The following ST18 variants were observed in gnomAD, a reference collection of about 807,000 sequenced individuals.
The protein encoded by ST18 is suppression of tumorigenicity 18 protein.
In ST18, 50 loss-of-function variants were observed where a neutral mutation model predicts 110.0. The observed-to-expected ratio is 0.45, with a 90% confidence interval of 0.36 to 0.58. The LOEUF is 0.58. Ranked by LOEUF, ST18 falls within the 20% of genes least tolerant of loss-of-function variation. The pLI is 0.00. For missense variants in ST18, 1,306 were observed against 1,280.1 expected (o/e 1.02, Z -0.31); for synonymous variants, 461 against 452.4 (o/e 1.02, Z -0.24).
At chr8:52,122,910 G>A (rs1288607343) in intron 23 of ST18, among the ~76,000 whole-genome samples, 2 of 151,914 alleles carry the variant, frequency 1.3e-5, no homozygotes, top group Non-Finnish European at 2.9e-5. Context: ...TTAATATCTA[G>A]AAATAAATTA....
Position 52,132,104 on chromosome 8 carries a change from A to G in ST18, c.2520T>C (p.Cys840=). The part of the protein sequence containing the change: ...KYTSHRTASG[C]PLAAKRQKEN... ...CCTTCTGTCTCTTGGCAGCCAGAGG[A>G]CAGCCAGAAGCTGTGCGGTGTGATG... The change falls in exon 22 of 26, where the codon TGT becomes TGC. Residue 840 remains cysteine (C), a synonymous_variant. Coordinates refer to ENST00000689386, the MANE Select transcript of ST18 (RefSeq NM_001352837.2). 1 of 1,614,164 alleles carries G rather than the reference A, an allele frequency of 6.2e-7. No individual in the cohort carries two copies. Among genetic ancestry groups the G allele is most frequent in the South Asian group, 1.1e-5 (1 of 91,080 alleles).
chr8:52,181,228 C>G (rs1322430378), intron 8 of ST18, among the ~76,000 whole-genome samples: 1 of 152,174 alleles, frequency 6.6e-6, no homozygotes, highest in African/African-American at 2.4e-5. Context: ...TGAAAAGATC[C>G]AGAGAAGAGA....
chr8:52,335,894 G>A (rs1811817429), intron 2 of ST18, among the ~76,000 whole-genome samples: 1 of 152,012 alleles, frequency 6.6e-6, no homozygotes, highest in Non-Finnish European at 1.5e-5. Context: ...CACTTCAGAG[G>A]CCTCCCGGTG....
chr8:52,181,539 A>G (rs1219595250), intron 8 of ST18, among the ~76,000 whole-genome samples: 2 of 152,214 alleles, frequency 1.3e-5, no homozygotes, highest in East Asian at 3.9e-4. Flanking sequence ...AAGATTAAAA[A>G]GTATAGAATT....
intron 2 of ST18, chr8:52,248,415 G>T (rs2094025675): frequency 6.6e-6 from 1 of 152,138 alleles, no homozygotes; most frequent in East Asian, 1.9e-4. Flanking sequence ...GAGACCTTCA[G>T]AGTTTATTAA....
chr8:52,191,398 G>A (rs2074420002), intron 8 of ST18, among the ~76,000 whole-genome samples: 1 of 152,126 alleles, frequency 6.6e-6, no homozygotes, highest in Non-Finnish European at 1.5e-5. Flanking sequence ...AAGTCATAAT[G>A]TCAAGCAGGC....
chr8:52,279,189 A>G (rs75389596), intron 2 of ST18, among the ~76,000 whole-genome samples: 5,023 of 152,252 alleles, frequency 0.033, 149 homozygotes, highest in Admixed American at 0.077. Context: ...TATCTAATCT[A>G]TGATTATTGA....
chr8:52,373,361 G>C (rs767570770), intron 2 of ST18, among the ~76,000 whole-genome samples: 21 of 152,000 alleles, frequency 1.4e-4, no homozygotes, highest in Non-Finnish European at 2.9e-4. Context: ...CCTCATTTCT[G>C]GAAGATGTTA....
chr8:52,159,609 T>C (rs990714849), intron 14 of ST18, among the ~76,000 whole-genome samples: 2 of 152,244 alleles, frequency 1.3e-5, no homozygotes, highest in African/African-American at 4.8e-5. Context: ...TATTATTTGA[T>C]ATGCAGGCTT....
intron 17 of ST18, among the ~76,000 whole-genome samples, chr8:52,140,727 T>C (rs1473819033): frequency 2.0e-5 from 3 of 152,108 alleles, no homozygotes; most frequent in African/African-American, 4.8e-5. Context: ...CATGGAGAAG[T>C]GCCCTTTGCA....
intron 2 of ST18, among the ~76,000 whole-genome samples, chr8:52,310,653 G>T (rs577841332): frequency 6.6e-6 from 1 of 152,192 alleles, no homozygotes; most frequent in Admixed American, 6.5e-5. Flanking sequence ...ATCATGAATG[G>T]CTCCTATTCC....
chr8:52,120,686 G>T (rs2044373702), intron 23 of ST18, among the ~76,000 whole-genome samples: 1 of 152,192 alleles, frequency 6.6e-6, no homozygotes, highest in African/African-American at 2.4e-5. Flanking sequence ...AGGAGCCAGG[G>T]AAGGGCTGTA....
intron 13 of ST18, among the ~76,000 whole-genome samples, chr8:52,161,964 G>A (rs1027671603): frequency 5.3e-5 from 8 of 152,292 alleles, no homozygotes; most frequent in African/African-American, 1.4e-4. Context: ...AATCCCAGCC[G>A]TTTGGGAGGC....
At chr8:52,213,879 G>T (rs776218509) in intron 7 of ST18, among the ~76,000 whole-genome samples, 2 of 152,152 alleles carry the variant, frequency 1.3e-5, no homozygotes, top group Non-Finnish European at 2.9e-5. Context: ...GCCATTAAAG[G>T]TCACTTCCAT....
chr8:52,185,021 C>G (rs2071461709), intron 8 of ST18, among the ~76,000 whole-genome samples: 1 of 152,102 alleles, frequency 6.6e-6, no homozygotes, highest in Non-Finnish European at 1.5e-5. Context: ...AAAAATTAAA[C>G]TATTATTATT....
chr8:52,145,328 A>G (rs2056884037), intron 16 of ST18, among the ~76,000 whole-genome samples: 1 of 152,178 alleles, frequency 6.6e-6, no homozygotes, highest in African/African-American at 2.4e-5. Flanking sequence ...TTGGTATAGT[A>G]ATATGTGGTA....
At chr8:52,114,063 A>G (rs1305890209) in intron 25 of ST18, among the ~76,000 whole-genome samples, 2 of 137,762 alleles carry the variant, frequency 1.5e-5, no homozygotes, top group Non-Finnish European at 3.0e-5. Context: ...TCTGCCTCCC[A>G]GGTTCAAGCG....
At chr8:52,254,308 A>C (rs2094455144) in intron 2 of ST18, 1 of 152,194 alleles carries the variant, frequency 6.6e-6, no homozygotes, top group African/African-American at 2.4e-5. Context: ...GAACGGAAAC[A>C]CTAAAGCTGT....
chr8:52,213,830 T>C (rs1335623056), intron 7 of ST18, among the ~76,000 whole-genome samples: 1 of 152,180 alleles, frequency 6.6e-6, no homozygotes, highest in African/African-American at 2.4e-5. Context: ...AATCAAAACC[T>C]GCTTTGACAA....
Sources: allele counts gnomAD v4.1 joint callset (sites outside exome capture counted in the v4.1 genomes callset), GRCh38; gene constraint gnomAD v4.1.1; transcripts MANE v1.5; gene names NCBI Gene and HGNC (gene_info 2026-07-23, HGNC 2026-07-21).